The following COL25A1 variants were observed in gnomAD, a reference collection of about 807,000 sequenced individuals.
COL25A1 encodes the protein collagen type XXV alpha 1 chain, also known as collagen alpha-1(XXV) chain.
A neutral mutation model predicts 128.4 loss-of-function variants in COL25A1; 103 were observed. The observed-to-expected ratio is 0.80, with a 90% CI of 0.68 to 0.94. The LOEUF is 0.94. Among genes scored for constraint, COL25A1 ranks in the 40% least tolerant of loss-of-function variants. The probability of loss-of-function intolerance (pLI) is 0.00; values close to 1 mark genes in which losing one functional copy is unlikely to be tolerated. For missense variants in COL25A1, 745 were observed against 840.0 expected (o/e 0.89, Z 1.40); for synonymous variants, 279 against 277.2 (o/e 1.01, Z -0.06).
chr4:109,169,057 G>T (rs530668560), intron 3 of COL25A1, among the ~76,000 whole-genome samples: 3 of 152,108 alleles, frequency 2.0e-5, no homozygotes, highest in African/African-American at 7.2e-5. Flanking sequence ...TTCCCCATGT[G>T]CCCCACACTC....
intron 6 of COL25A1, among the ~76,000 whole-genome samples, chr4:109,006,999 C>G (rs1756079488): frequency 6.6e-6 from 1 of 152,118 alleles, no homozygotes; most frequent in African/African-American, 2.4e-5. Context: ...CTGTAAACCA[C>G]CATGACACAC....
At chr4:108,844,413 G>A (rs932111024) in intron 30 of COL25A1, 106 bp downstream of exon 30, 5 of 1,582,928 alleles carry the variant, frequency 3.2e-6, no homozygotes, top group Non-Finnish European at 4.3e-6. Context: ...ATTCCACAGA[G>A]AGTAGTACAA....
chr4:109,226,755 T>G (rs1158605984), intron 3 of COL25A1, among the ~76,000 whole-genome samples: 1 of 152,166 alleles, frequency 6.6e-6, no homozygotes, highest in Non-Finnish European at 1.5e-5. Flanking sequence ...AAGGGGGATT[T>G]ATTTGGGAAA....
At chr4:109,127,585 C>T (rs1220079410) in intron 3 of COL25A1, among the ~76,000 whole-genome samples, 1 of 152,052 alleles carries the variant, frequency 6.6e-6, no homozygotes, top group East Asian at 1.9e-4. Flanking sequence ...ACCTTAGCTT[C>T]CCAAAGTGCT....
At chr4:109,250,369 TACACACACAC>T (rs61574026) in intron 3 of COL25A1, among the ~76,000 whole-genome samples, 1 of 134,864 alleles carries the variant, frequency 7.4e-6, no homozygotes, top group Non-Finnish European at 1.5e-5. Context: ...AAGTAGGAGA[TACACACACAC>T]ACACACACAC....
Position 109,237,872 on chromosome 4 carries a change from A to G in COL25A1, c.367+62711T>C, listed in dbSNP as rs75409702. On this transcript the variant is annotated intron_variant, in intron 3 of 37. Coordinates refer to ENST00000399132, the MANE Select transcript of COL25A1 (RefSeq NM_198721.4). ...CCCTTGGCAACCACTTTGTCTCTGA[A>G]TTTGACTACTCTAAGTACCTCATGT... Among the ~76,000 whole-genome samples the G allele has an allele frequency of 7.6e-3, 1,154 of 152,176 alleles. 57 individuals are homozygous for G. In the South Asian group the frequency reaches 0.13, roughly 18 times the overall value.
intron 18 of COL25A1, among the ~76,000 whole-genome samples, chr4:108,888,102 C>T (rs1741038206): frequency 6.6e-6 from 1 of 152,020 alleles, no homozygotes; most frequent in African/African-American, 2.4e-5. Flanking sequence ...TAAAACTGGG[C>T]CTAATGAGTC....
chr4:109,145,772 T>C (rs1022254044), intron 3 of COL25A1, among the ~76,000 whole-genome samples: 4 of 151,994 alleles, frequency 2.6e-5, no homozygotes, highest in African/African-American at 7.2e-5. Flanking sequence ...ACCCGGGAGA[T>C]GGAGGTTGCA....
chr4:109,080,112 T>C (rs1326235523), intron 3 of COL25A1, among the ~76,000 whole-genome samples: 2 of 152,150 alleles, frequency 1.3e-5, no homozygotes, highest in African/African-American at 4.8e-5. Flanking sequence ...ACACGTAGCA[T>C]AAGCCATGTG....
chr4:109,196,407 A>C (rs956916189), intron 3 of COL25A1, among the ~76,000 whole-genome samples: 21 of 152,280 alleles, frequency 1.4e-4, no homozygotes, highest in African/African-American at 4.6e-4. Context: ...GAATGTGTGT[A>C]TATATGTGTA....
chr4:109,117,719 T>C (rs932286669), intron 3 of COL25A1, among the ~76,000 whole-genome samples: 1 of 151,974 alleles, frequency 6.6e-6, no homozygotes, highest in African/African-American at 2.4e-5. Context: ...TATATACTTA[T>C]GCATAAGAGA....
intron 3 of COL25A1, among the ~76,000 whole-genome samples, chr4:109,157,765 T>C (rs1772173536): frequency 6.6e-6 from 1 of 152,196 alleles, no homozygotes; most frequent in African/African-American, 2.4e-5. Flanking sequence ...AAAAAATACA[T>C]CTTTTGCAAG....
chr4:109,284,518 T>C (rs1469533900), intron 3 of COL25A1, among the ~76,000 whole-genome samples: 1 of 152,166 alleles, frequency 6.6e-6, no homozygotes, highest in African/African-American at 2.4e-5. Context: ...AGTAAATGGA[T>C]CACTGTAAAA....
At chr4:109,180,143 A>G (rs1399683269) in intron 3 of COL25A1, among the ~76,000 whole-genome samples, 1 of 152,212 alleles carries the variant, frequency 6.6e-6, no homozygotes, top group African/African-American at 2.4e-5. Context: ...TTTGGAGAAG[A>G]AGAAATTTAG....
At chr4:109,006,798 T>C (rs969619459) in intron 6 of COL25A1, among the ~76,000 whole-genome samples, 14 of 152,182 alleles carry the variant, frequency 9.2e-5, no homozygotes, top group African/African-American at 3.1e-4. Flanking sequence ...GTTGAAAGCC[T>C]ATTTAAGGAA....
At chr4:109,224,490 T>C (rs186309377) in intron 3 of COL25A1, among the ~76,000 whole-genome samples, 2 of 152,280 alleles carry the variant, frequency 1.3e-5, no homozygotes, top group East Asian at 3.9e-4. Context: ...TTATGTTTAC[T>C]TAACTTGGGC....
intron 8 of COL25A1, chr4:108,942,252 G>A (rs932328706): frequency 2.6e-6 from 4 of 1,550,188 alleles, no homozygotes; most frequent in Non-Finnish European, 2.6e-6. Context: ...AGCAACTGTG[G>A]GGAAGCCTGG....
chr4:109,093,478 C>T lies in COL25A1; in HGVS notation c.368-43299G>A, dbSNP rs1765132443. On this transcript the variant is annotated intron_variant, in intron 3 of 37. Transcript: ENST00000399132. Reference sequence around the variant, plus strand: ...CTATGAAAAAAAAAAAAAAAAAAACCTTTTTTAAATTAGTTAACTGTGGTG... The same window carrying T: ...CTATGAAAAAAAAAAAAAAAAAAACTTTTTTTAAATTAGTTAACTGTGGTG... 4.2e-5 allele frequency among the ~76,000 whole-genome samples: 5 copies of T among 118,628 alleles called. No homozygotes were observed. The South Asian group carries it at 1.1e-3, about 27-fold the overall frequency. 77.8% of individuals were successfully genotyped at this position (118,628 alleles called of 152,430 possible).
chr4:109,135,081 G>C (rs1314723351), intron 3 of COL25A1, among the ~76,000 whole-genome samples: 1 of 149,046 alleles, frequency 6.7e-6, no homozygotes, highest in African/African-American at 2.5e-5. Flanking sequence ...CCCAAGTAGA[G>C]AGAGTTTTGG....
Sources: gnomAD v4.1 joint callset for allele counts (sites outside exome capture counted in the v4.1 genomes callset) on GRCh38, gnomAD v4.1.1 for gene constraint, MANE v1.5 for transcripts, NCBI Gene and HGNC (gene_info 2026-07-23, HGNC 2026-07-21) for gene names.